Variants in TRIP4 observed in about 807,000 individuals in gnomAD.
TRIP4 encodes the protein activating signal cointegrator 1.
TRIP4 carries 54 observed loss-of-function variants against 81.8 expected under a neutral mutation model. That is an observed-to-expected ratio of 0.66 (90% CI 0.53 to 0.83). The LOEUF (loss-of-function observed/expected upper bound fraction) is 0.83. TRIP4 is among the 40% of genes least tolerant of loss of function. The pLI, the probability that TRIP4 is intolerant of heterozygous loss-of-function variation, is 0.00. For synonymous variants in TRIP4, 270 were observed against 242.8 expected (o/e 1.11, Z -1.04); for missense variants, 662 against 683.6 (o/e 0.97, Z 0.35).
chr15:64,427,491 T>C (rs1446275974), intron 11 of TRIP4, among the ~76,000 whole-genome samples: 5 of 152,116 alleles, frequency 3.3e-5, no homozygotes, highest in African/African-American at 1.2e-4. Context: ...TCCTCCCACC[T>C]CAGCCTCCCA....
rs184964734 is a variant in TRIP4, at chr15:64,411,798, G to T, written c.1043+1970G>T. ...AGATTCACGCCATTCTCCTGACTCA[G>T]CCTCCCAAGTAGCTGGGACTACCAA... On this transcript the variant is annotated intron_variant, in intron 7 of 12. Transcript: ENST00000261884. 5.4e-4 allele frequency among the ~76,000 whole-genome samples: 82 copies of T among 151,706 alleles called. No homozygotes were observed. In the East Asian group the frequency reaches 9.1e-3, roughly 17 times the overall value.
intron 11 of TRIP4, among the ~76,000 whole-genome samples, chr15:64,434,329 G>T (rs1321834239): frequency 6.6e-6 from 1 of 151,214 alleles, no homozygotes. Flanking sequence ...AACCCAGGAG[G>T]CAGAGGCTGC....
intron 12 of TRIP4, 122 bp from the exon 13 acceptor site, chr15:64,454,875 A>T: frequency 1.2e-6 from 1 of 812,156 alleles, no homozygotes; most frequent in Non-Finnish European, 2.0e-6. Flanking sequence ...GAAGTGTCTG[A>T]GTCCTGAAGT....
At chr15:64,435,822 T>TAAAAA (rs57170652) in intron 11 of TRIP4, among the ~76,000 whole-genome samples, 5 of 65,964 alleles carry the variant, frequency 7.6e-5, no homozygotes, top group Non-Finnish European at 1.0e-4. Context: ...GGAAGCTTCT[T>TAAAAA]AAAAAAAAAA....
chr15:64,416,655 T>G (rs1185972860), intron 8 of TRIP4, among the ~76,000 whole-genome samples: 1 of 152,192 alleles, frequency 6.6e-6, no homozygotes, highest in Non-Finnish European at 1.5e-5. Context: ...TCCTATTTAG[T>G]ATGTAGTCAA....
intron 1 of TRIP4, 73 bp from the exon 2 acceptor site, chr15:64,393,873 G>T: frequency 7.1e-6 from 10 of 1,399,874 alleles, no homozygotes; most frequent in Middle Eastern, 1.9e-4. Flanking sequence ...TTACTACCTA[G>T]ATCTCTGTTA....
In TRIP4 at chr15:64,387,897, C is replaced by A; in HGVS notation, c.34C>A (p.Leu12Met). The A allele has an allele frequency of 6.5e-7, 1 of 1,549,912 alleles. No homozygotes were observed. The highest frequency in any genetic ancestry group is 8.7e-7 in the Non-Finnish European group (1 of 1,147,006). ...GGCTGGGGCGGTGTCCGGGGAGCCGCTGGTGCACTGGTGCACCCAGCAGTT... is the reference window on the plus strand; with the variant it reads ...GGCTGGGGCGGTGTCCGGGGAGCCGATGGTGCACTGGTGCACCCAGCAGTT... ...AVAGAVSGEPLVHWCTQQLRK... is the reference protein window; with the variant it reads ...AVAGAVSGEPMVHWCTQQLRK... Residue 12 changes from leucine to methionine, a missense_variant, in exon 1 of 13, where the codon CTG (leucine) becomes ATG (methionine). Leu to Met is a conservative substitution (Grantham distance 15). Coordinates refer to ENST00000261884, the MANE Select transcript of TRIP4 (RefSeq NM_016213.5).
At chr15:64,398,771 C>T (rs1307203693) in intron 4 of TRIP4, among the ~76,000 whole-genome samples, 2 of 152,042 alleles carry the variant, frequency 1.3e-5, no homozygotes, top group African/African-American at 4.8e-5. Flanking sequence ...CTCAAGAATG[C>T]AGTGATAATG....
chr15:64,409,691 G>A lies in TRIP4; in HGVS notation c.906G>A (p.Glu302=). The change falls in exon 7 of 13, where the codon GAG becomes GAA. Residue 302 remains glutamate (E), a synonymous_variant. Transcript: ENST00000261884. ...CTAACCAATGGTTGTCCAAACTTGA[G>A]CGGGAAACCTTGCAGAAGCGAGAGG... ...SDSNQWLSKL[E]RETLQKREEE... 6.2e-7 allele frequency: 1 copy of A among 1,614,178 alleles called. No individual in the cohort carries two copies. The highest frequency in any genetic ancestry group is 8.5e-7 in the Non-Finnish European group (1 of 1,180,036).
chr15:64,421,221 G>T (rs1892004632), intron 9 of TRIP4, among the ~76,000 whole-genome samples: 1 of 151,138 alleles, frequency 6.6e-6, no homozygotes, highest in Non-Finnish European at 1.5e-5. Context: ...GGTGGAGGTT[G>T]CAGTGAGCCA....
chr15:64,397,868 C>T (rs1333876203), intron 4 of TRIP4, 50 bp downstream of exon 4: 3 of 1,556,336 alleles, frequency 1.9e-6, no homozygotes, highest in Non-Finnish European at 2.6e-6. Context: ...TGTTAATACG[C>T]AGAGCCAGTC....
rs1891652522 is a variant in TRIP4, at chr15:64,407,421, A to G, written c.827+962A>G. Among the ~76,000 whole-genome samples the G allele has an allele frequency of 3.3e-5, 5 of 152,176 alleles. No homozygotes were observed. In the South Asian group the frequency reaches 1.0e-3, roughly 32 times the overall value. On this transcript the variant is annotated intron_variant, in intron 6 of 12. Transcript: ENST00000261884. ...GGTGGCTCACACCTGTAATCCCGGC[A>G]CTTGGGGAGGCCGAGGCAGGTGGAT...
At chr15:64,449,305 G>A (rs1369513307) in intron 12 of TRIP4, among the ~76,000 whole-genome samples, 1 of 142,170 alleles carries the variant, frequency 7.0e-6, no homozygotes, top group African/African-American at 2.6e-5. Flanking sequence ...TTTTTTTTGT[G>A]GGATGTCTTA....
intron 12 of TRIP4, 66 bp downstream of exon 12, chr15:64,445,174 G>A: frequency 1.2e-6 from 1 of 833,490 alleles, no homozygotes; most frequent in South Asian, 1.6e-5. Context: ...GAAAAAAGTA[G>A]AACAAGGAGT....
chr15:64,414,323 C>G (rs1891839963), intron 8 of TRIP4, 112 bp downstream of exon 8: 6 of 1,389,614 alleles, frequency 4.3e-6, no homozygotes, highest in Non-Finnish European at 4.9e-6. Flanking sequence ...CTCAATACAC[C>G]TGTACCAATC....
intron 12 of TRIP4, among the ~76,000 whole-genome samples, chr15:64,452,046 C>T (rs894699184): frequency 7.2e-5 from 11 of 151,972 alleles, no homozygotes; most frequent in African/African-American, 2.7e-4. Flanking sequence ...CTGCAACCTC[C>T]ACCTCCTGGG....
chr15:64,421,796 C>T (rs1892022261), intron 9 of TRIP4, among the ~76,000 whole-genome samples: 1 of 152,156 alleles, frequency 6.6e-6, no homozygotes, highest in African/African-American at 2.4e-5. Flanking sequence ...ATAATCCCAG[C>T]ACTTTGGGAG....
At chr15:64,396,317 C>T (rs1366702011) in intron 3 of TRIP4, among the ~76,000 whole-genome samples, 1 of 127,228 alleles carries the variant, frequency 7.9e-6, no homozygotes, top group Non-Finnish European at 1.6e-5. Context: ...TGCTCTGTCA[C>T]CCAGGCTGGA....
intron 11 of TRIP4, among the ~76,000 whole-genome samples, chr15:64,426,948 C>T (rs558746021): frequency 1.4e-5 from 2 of 147,008 alleles, no homozygotes; most frequent in South Asian, 2.2e-4. Flanking sequence ...TGCAGTAAGC[C>T]GAGATCATGC....
Sources: allele counts gnomAD v4.1 joint callset (sites outside exome capture counted in the v4.1 genomes callset), GRCh38; gene constraint gnomAD v4.1.1; transcripts MANE v1.5; gene names NCBI Gene and HGNC (gene_info 2026-07-23, HGNC 2026-07-21).